The following FRAS1 variants were observed in gnomAD, a reference collection of about 807,000 sequenced individuals.
FRAS1 encodes Fraser extracellular matrix complex subunit 1.
Under a neutral mutation model 435.2 loss-of-function variants are expected in FRAS1, and 290 were observed. The ratio of observed to expected loss-of-function variants is 0.67; its 90% CI spans 0.61 to 0.73. The LOEUF is 0.73. Ranked by LOEUF, FRAS1 falls within the 30% of genes least tolerant of loss-of-function variation. The pLI, the probability that FRAS1 is intolerant of heterozygous loss-of-function variation, is 0.00. For synonymous variants in FRAS1, 1,800 were observed against 1,851.0 expected (o/e 0.97, Z 0.71); for missense variants, 4,860 against 5,001.5 (o/e 0.97, Z 0.85).
Position 78,472,316 on chromosome 4 carries a change from C to T in FRAS1, c.7508C>T (p.Ala2503Val). The change falls in exon 52 of 74, where the codon GCC becomes GTC. Residue 2503 changes from alanine (A) to valine (V), a missense_variant. By Grantham distance (64) the Ala-to-Val change is moderately conservative. Transcript: ENST00000512123. ...ENKLQPGRAA[A>V]TFTQEDVNLG... is the part of the protein sequence containing the mutation. ...AAGCTGCAGCCTGGCAGAGCTGCTGCCACTTTCACCCAGGGTGGGGACTCT... is the reference window on the plus strand; with the variant it reads ...AAGCTGCAGCCTGGCAGAGCTGCTGTCACTTTCACCCAGGGTGGGGACTCT... 1 of 1,606,434 alleles carries T rather than the reference C, an allele frequency of 6.2e-7. No individual in the cohort carries two copies. Among genetic ancestry groups the T allele is most frequent in the Non-Finnish European group, 8.5e-7 (1 of 1,174,826 alleles).
intron 16 of FRAS1, among the ~76,000 whole-genome samples, chr4:78,316,412 A>T (rs1173525126): frequency 1.3e-5 from 2 of 152,164 alleles, no homozygotes; most frequent in Admixed American, 1.3e-4. Flanking sequence ...CAGGGTGTTT[A>T]GACCCATCTC....
intron 2 of FRAS1, among the ~76,000 whole-genome samples, chr4:78,213,837 G>C (rs1302992428): frequency 6.6e-6 from 1 of 152,118 alleles, no homozygotes; most frequent in African/African-American, 2.4e-5. Context: ...GTTTTCATTG[G>C]TCATCACCTC....
intron 2 of FRAS1, among the ~76,000 whole-genome samples, chr4:78,192,952 C>A (rs371079823): frequency 5.3e-4 from 81 of 152,308 alleles, no homozygotes; most frequent in Non-Finnish European, 8.2e-4. Context: ...GAATGTGTCC[C>A]AGAGATTCTG....
Position 78,539,511 on chromosome 4 carries a change from A to C in FRAS1, c.11445+71A>C, listed in dbSNP as rs7656368. On this transcript the variant is annotated intron_variant, in intron 73 of 73. Coordinates refer to ENST00000512123, the MANE Select transcript of FRAS1 (RefSeq NM_025074.7). ...AAAGCTTGAAAAAAAAAAAAAAAAG[A>C]AGGAGGACTGCAACATCTCTGGATT... 14,866 of 1,164,014 alleles carry C rather than the reference A, an allele frequency of 0.013. 1,403 individuals carry two copies. The African/African-American group carries it at 0.2, about 16-fold the overall frequency. The allele number at this position is 1,164,014 out of a possible 1,614,324, so 72.1% of individuals were successfully genotyped here.
intron 18 of FRAS1, among the ~76,000 whole-genome samples, chr4:78,331,352 C>G (rs1276597951): frequency 1.3e-5 from 2 of 152,080 alleles, no homozygotes; most frequent in Non-Finnish European, 2.9e-5. Flanking sequence ...CTGGGAATCT[C>G]CTGGTATGGG....
At chr4:78,192,721 C>T (rs1432251279) in intron 2 of FRAS1, among the ~76,000 whole-genome samples, 1 of 152,100 alleles carries the variant, frequency 6.6e-6, no homozygotes, top group Non-Finnish European at 1.5e-5. Flanking sequence ...TTCAAAAAAC[C>T]AGCTCCTGGA....
intron 30 of FRAS1, among the ~76,000 whole-genome samples, chr4:78,405,670 G>T (rs929890345): frequency 1.3e-5 from 2 of 152,178 alleles, no homozygotes; most frequent in Admixed American, 1.3e-4. Flanking sequence ...CTAGTGTCTA[G>T]TGTATTAAGA....
intron 25 of FRAS1, among the ~76,000 whole-genome samples, chr4:78,375,145 C>A (rs927202882): frequency 6.6e-6 from 1 of 152,096 alleles, no homozygotes; most frequent in Non-Finnish European, 1.5e-5. Context: ...AATAAGTAAT[C>A]CTATGTCCTA....
intron 22 of FRAS1, among the ~76,000 whole-genome samples, chr4:78,367,168 A>G (rs4859928): frequency 0.17 from 25,496 of 152,030 alleles, 2,732 homozygotes; most frequent in East Asian, 0.33. Context: ...ACTTAGGGAG[A>G]GCAAGGTGGG....
chr4:78,088,028 C>T (rs1037051948), intron 2 of FRAS1, among the ~76,000 whole-genome samples: 2 of 152,184 alleles, frequency 1.3e-5, no homozygotes, highest in Non-Finnish European at 2.9e-5. Flanking sequence ...TCAAACTATA[C>T]TACAAGGCTG....
Position 78,466,262 on chromosome 4 carries a change from C to T in FRAS1, c.7084C>T (p.Arg2362Ter), listed in dbSNP as rs777438557. 2.7e-5 allele frequency: 44 copies of T among 1,613,780 alleles called. No individual in the cohort carries two copies. The highest frequency in any genetic ancestry group is 3.3e-5 in the Non-Finnish European group (39 of 1,179,852). Residue 2362 changes from arginine to a stop codon, truncating the protein, a stop_gained, in exon 50 of 74, where the codon CGA becomes TGA. Transcript: ENST00000512123. LOFTEE classifies it high-confidence loss of function. ...GCCTCCACGCCATGGCACCATCGAG[C>T]GAACCAGCAATGGGCAGCATTTCCA... Reference protein sequence around the residue: ...VQPPRHGTIERTSNGQHFHLT... With the variant: ...VQPPRHGTIE
rs778411148 is a variant in FRAS1, at chr4:78,542,087, C to A, written c.*963C>A. On this transcript the variant is annotated 3_prime_UTR_variant, in exon 74 of 74. Transcript: ENST00000512123. The stretch of plus-strand genomic sequence containing the variant: ...ATGGTTTTTTATTCTGTTAGTGCTT[C>A]GGGAAAGTAAGTGATTCATTTGAAT... 1 of 152,152 alleles carries A rather than the reference C, an allele frequency of 6.6e-6. No individual in the cohort carries two copies. The highest frequency in any genetic ancestry group is 2.4e-5 in the African/African-American group (1 of 41,422). 9.4% of individuals were successfully genotyped at this position (152,152 alleles called of 1,614,324 possible).
intron 2 of FRAS1, among the ~76,000 whole-genome samples, chr4:78,117,525 T>C (rs1293711302): frequency 2.0e-5 from 3 of 152,232 alleles, no homozygotes; most frequent in Non-Finnish European, 4.4e-5. Context: ...GAGGCTTTGT[T>C]AATTTCTTTT....
At chr4:78,531,766 C>CCCCA (rs1423288479) in intron 70 of FRAS1, among the ~76,000 whole-genome samples, 1 of 152,096 alleles carries the variant, frequency 6.6e-6, no homozygotes, top group African/African-American at 2.4e-5. Flanking sequence ...TGTGCATGTA[C>CCCCA]CCCATATGGC....
intron 31 of FRAS1, among the ~76,000 whole-genome samples, chr4:78,412,053 T>C (rs1733360973): frequency 6.6e-6 from 1 of 152,168 alleles, no homozygotes; most frequent in Non-Finnish European, 1.5e-5. Flanking sequence ...TGAATTATAG[T>C]TATTGTTGGT....
At chr4:78,446,334 T>G in intron 42 of FRAS1, 1 of 1,031,688 alleles carries the variant, frequency 9.7e-7, no homozygotes, top group Non-Finnish European at 1.2e-6. Context: ...AAATATAGTG[T>G]CCTTCTACAG....
At chr4:78,179,107 G>A (rs1721897753) in intron 2 of FRAS1, among the ~76,000 whole-genome samples, 1 of 152,174 alleles carries the variant, frequency 6.6e-6, no homozygotes, top group Admixed American at 6.5e-5. Flanking sequence ...AGAGAATGAT[G>A]AAGTATTCCT....
At chr4:78,306,149 TG>T (rs1421178918) in intron 14 of FRAS1, among the ~76,000 whole-genome samples, 1 of 152,186 alleles carries the variant, frequency 6.6e-6, no homozygotes, top group East Asian at 1.9e-4. Context: ...TATGAAATTC[TG>T]GGTTGAAAAT....
At chr4:78,464,665 C>A in intron 49 of FRAS1, 82 bp downstream of exon 49, 1 of 1,480,150 alleles carries the variant, frequency 6.8e-7, no homozygotes, top group Non-Finnish European at 9.2e-7. Flanking sequence ...GCTGTGCATC[C>A]TGATGGTAGG....
Sources: gnomAD v4.1 joint callset for allele counts (sites outside exome capture counted in the v4.1 genomes callset) on GRCh38, gnomAD v4.1.1 for gene constraint, MANE v1.5 for transcripts, NCBI Gene and HGNC (gene_info 2026-07-23, HGNC 2026-07-21) for gene names.